ZBTB20: variants seen among roughly 807,000 people sequenced by gnomAD.
ZBTB20 encodes zinc finger and BTB domain-containing protein 20.
Under a neutral mutation model 56.9 loss-of-function variants are expected in ZBTB20, and 9 were observed. That is an observed-to-expected ratio of 0.16 (90% CI 0.10 to 0.28). The LOEUF is 0.28. ZBTB20 is among the 10% of genes least tolerant of loss of function. The probability of loss-of-function intolerance (pLI) is 1.00; values close to 1 mark genes in which losing one functional copy is unlikely to be tolerated. For synonymous variants in ZBTB20, 417 were observed against 420.7 expected, an observed-to-expected ratio of 0.99 and a Z score of 0.11; for missense variants, 655 against 1,003.0, an observed-to-expected ratio of 0.65 and a Z score of 4.69.
chr3:114,752,257 TCTAC>T (rs1305295475), intron 5 of ZBTB20, among the ~76,000 whole-genome samples: 1 of 123,730 alleles, frequency 8.1e-6, no homozygotes. Context: ...CTCGTATCTA[TCTAC>T]TCTAGGTGGG....
intron 6 of ZBTB20, among the ~76,000 whole-genome samples, chr3:114,526,067 C>A (rs1395604346): frequency 6.6e-6 from 1 of 152,110 alleles, no homozygotes; most frequent in Non-Finnish European, 1.5e-5. Flanking sequence ...TAAATCCCTG[C>A]ATTTTTTCCA....
intron 7 of ZBTB20, among the ~76,000 whole-genome samples, chr3:114,402,899 T>A (rs1247405843): frequency 6.6e-6 from 1 of 152,150 alleles, no homozygotes; most frequent in Admixed American, 6.6e-5. Context: ...TGATTATACT[T>A]ACCCGAAATT....
At chr3:115,146,273 T>C (rs979842870) in intron 1 of ZBTB20, among the ~76,000 whole-genome samples, 4 of 151,918 alleles carry the variant, frequency 2.6e-5, no homozygotes, top group Non-Finnish European at 4.4e-5. Flanking sequence ...AGTTTGTGTG[T>C]GTGCCTAGCA....
intron 7 of ZBTB20, among the ~76,000 whole-genome samples, chr3:114,424,096 T>C (rs561447499): frequency 6.6e-6 from 1 of 152,350 alleles, no homozygotes; most frequent in African/African-American, 2.4e-5. Flanking sequence ...TTTATTTTTC[T>C]TTACAGTTGT....
intron 6 of ZBTB20, chr3:114,624,932 C>T (rs990221439): frequency 1.3e-5 from 2 of 152,522 alleles, no homozygotes; most frequent in Admixed American, 6.6e-5. Flanking sequence ...TGGACTGTAC[C>T]GTAAGCAACA....
intron 4 of ZBTB20, among the ~76,000 whole-genome samples, chr3:114,881,506 T>C (rs2076395059): frequency 6.6e-6 from 1 of 152,010 alleles, no homozygotes; most frequent in South Asian, 2.1e-4. Flanking sequence ...CTGTTAAAAG[T>C]ATCTCACTAG....
intron 2 of ZBTB20, among the ~76,000 whole-genome samples, chr3:115,058,208 T>A (rs774040261): frequency 3.9e-5 from 6 of 152,152 alleles, no homozygotes; most frequent in Non-Finnish European, 5.9e-5. Context: ...TCAATGAAAT[T>A]CTAAGTCTTC....
At chr3:114,808,614 T>C (rs992782136) in intron 4 of ZBTB20, among the ~76,000 whole-genome samples, 8 of 151,974 alleles carry the variant, frequency 5.3e-5, no homozygotes, top group African/African-American at 1.9e-4. Flanking sequence ...TTGGTTGATC[T>C]TTTCAAAAAA....
intron 2 of ZBTB20, among the ~76,000 whole-genome samples, chr3:114,985,532 C>A (rs767249439): frequency 2.6e-5 from 4 of 152,078 alleles, no homozygotes; most frequent in Non-Finnish European, 5.9e-5. Flanking sequence ...TTCCTTCACA[C>A]TTCCCCATTA....
In ZBTB20 at chr3:114,599,956, C is replaced by T. The variant is rs191016261; in HGVS notation, c.-295+93572G>A. Among the ~76,000 whole-genome samples the T allele has an allele frequency of 6.6e-5, 10 of 151,860 alleles. No individual in the cohort carries two copies. The East Asian group carries it at 7.7e-4, about 12-fold the overall frequency. Reference sequence around the variant, plus strand: ...GGAGTGGGAAGAGAAAGAGAGCGAGCGAGCACATAAGATTCCAAATAAAAT... The same window carrying T: ...GGAGTGGGAAGAGAAAGAGAGCGAGTGAGCACATAAGATTCCAAATAAAAT... On this transcript the variant is annotated intron_variant, in intron 6 of 11. Coordinates refer to ENST00000675478, the MANE Select transcript of ZBTB20 (RefSeq NM_001348800.3).
At position 114,326,365 on chromosome 3, in the gene ZBTB20, G is replaced by A. The variant is rs1576184060; in HGVS notation, c.*12640C>T. On this transcript the variant is annotated 3_prime_UTR_variant, in exon 12 of 12. Coordinates refer to ENST00000675478, the MANE Select transcript of ZBTB20 (RefSeq NM_001348800.3). ...CAGACCTGTTAGTTTAGGTAAATACGGTTTCTTTCTCAAGGAACAGGTTTT... is the reference window on the plus strand; with the variant it reads ...CAGACCTGTTAGTTTAGGTAAATACAGTTTCTTTCTCAAGGAACAGGTTTT... 6.6e-6 allele frequency: 1 copy of A among 152,050 alleles called. No homozygotes were observed. Among genetic ancestry groups the A allele is most frequent in the African/African-American group, 2.4e-5 (1 of 41,406 alleles). The allele number at this position is 152,050 out of a possible 1,614,324, so 9.4% of individuals were successfully genotyped here.
intron 10 of ZBTB20, among the ~76,000 whole-genome samples, chr3:114,352,967 C>G (rs2080838006): frequency 6.6e-6 from 1 of 152,178 alleles, no homozygotes; most frequent in Non-Finnish European, 1.5e-5. Context: ...CAGCGCCACC[C>G]TATAACGTAG....
At chr3:114,530,892 C>G (rs948269777) in intron 6 of ZBTB20, among the ~76,000 whole-genome samples, 1 of 152,100 alleles carries the variant, frequency 6.6e-6, no homozygotes, top group African/African-American at 2.4e-5. Flanking sequence ...CTAGTTTTCT[C>G]TCCTCTTTTG....
At chr3:114,931,627 G>C (rs1428488992) in intron 3 of ZBTB20, among the ~76,000 whole-genome samples, 1 of 151,910 alleles carries the variant, frequency 6.6e-6, no homozygotes, top group Non-Finnish European at 1.5e-5. Context: ...CGAAGCATGG[G>C]GTTTTTAAAA....
chr3:114,942,380 T>A lies in ZBTB20; in HGVS notation c.-456+31986A>T, dbSNP rs1482380830. 2.7e-5 allele frequency among the ~76,000 whole-genome samples: 4 copies of A among 146,098 alleles called. 2 individuals carry two copies. Among genetic ancestry groups the A allele is most frequent in the African/African-American group, 1.1e-4 (4 of 35,990 alleles). ...TACAAGGCAAATAAACTTTTTGTAC[T>A]CTTAAATACTTAAAGAATAATATAT... On this transcript the variant is annotated intron_variant, in intron 3 of 11. Coordinates refer to ENST00000675478, the MANE Select transcript of ZBTB20 (RefSeq NM_001348800.3).
chr3:114,512,567 A>G (rs961931199), intron 6 of ZBTB20, among the ~76,000 whole-genome samples: 3 of 152,104 alleles, frequency 2.0e-5, no homozygotes, highest in Admixed American at 2.0e-4. Context: ...GCCCTGTAAC[A>G]TCCATTAACC....
chr3:114,464,284 A>G (rs2092451165), intron 7 of ZBTB20, among the ~76,000 whole-genome samples: 2 of 152,168 alleles, frequency 1.3e-5, no homozygotes, highest in Non-Finnish European at 2.9e-5. Flanking sequence ...AAACATATAC[A>G]TTGGGCCACT....
At chr3:114,422,538 T>A (rs946333226) in intron 7 of ZBTB20, among the ~76,000 whole-genome samples, 4 of 152,172 alleles carry the variant, frequency 2.6e-5, no homozygotes, top group African/African-American at 9.6e-5. Flanking sequence ...GCACCCCCAA[T>A]TGTAATTCCC....
chr3:114,335,976 G>T lies in ZBTB20; in HGVS notation c.*3029C>A, dbSNP rs917539032. ...TGGCAAATCAGCATTAAGGCAAATGGGTCTCTCTCAGATTTGAGAAACAGA... is the reference window on the plus strand; with the variant it reads ...TGGCAAATCAGCATTAAGGCAAATGTGTCTCTCTCAGATTTGAGAAACAGA... On this transcript the variant is annotated 3_prime_UTR_variant, in exon 12 of 12. Coordinates refer to ENST00000675478, the MANE Select transcript of ZBTB20 (RefSeq NM_001348800.3). The T allele has an allele frequency of 2.6e-5, 4 of 152,058 alleles. No homozygotes were observed. Among genetic ancestry groups the T allele is most frequent in the Non-Finnish European group, 5.9e-5 (4 of 68,018 alleles). The allele number at this position is 152,058 out of a possible 1,614,324, so 9.4% of individuals were successfully genotyped here. A position where few individuals can be genotyped will look rare whatever the true frequency, so the allele number is the denominator to read the frequency against.
Sources: gnomAD v4.1 joint callset for allele counts (sites outside exome capture counted in the v4.1 genomes callset) on GRCh38, gnomAD v4.1.1 for gene constraint, MANE v1.5 for transcripts, NCBI Gene and HGNC (gene_info 2026-07-23, HGNC 2026-07-21) for gene names.